Variants in HACD2 observed in about 807,000 individuals in gnomAD.
HACD2 encodes the protein 3-hydroxyacyl-CoA dehydratase 2.
A neutral mutation model predicts 31.0 loss-of-function variants in HACD2; 15 were observed. That is an observed-to-expected ratio of 0.48 (90% confidence interval 0.32 to 0.75). HACD2 has a LOEUF of 0.75. HACD2 is among the 30% of genes least tolerant of loss of function. HACD2 has a pLI of 0.03. For missense variants in HACD2, 283 were observed against 313.0 expected (o/e 0.90, Z 0.72); for synonymous variants, 115 against 122.2 (o/e 0.94, Z 0.39).
At chr3:123,499,989 G>A (rs1248605378) in intron 6 of HACD2, among the ~76,000 whole-genome samples, 2 of 152,122 alleles carry the variant, frequency 1.3e-5, no homozygotes, top group Non-Finnish European at 2.9e-5. Flanking sequence ...AGAGAACACT[G>A]TGTCCCAATC....
At chr3:123,567,700 T>C (rs1425982940) in intron 3 of HACD2, 62 bp downstream of exon 3, 2 of 1,030,552 alleles carry the variant, frequency 1.9e-6, no homozygotes, top group African/African-American at 1.7e-5. Context: ...AAGCCTATCA[T>C]CTATGACTTT....
At chr3:123,556,938 C>A (rs78163447) in intron 3 of HACD2, among the ~76,000 whole-genome samples, 1 of 152,242 alleles carries the variant, frequency 6.6e-6, no homozygotes, top group African/African-American at 2.4e-5. Flanking sequence ...AACAAACTGG[C>A]AAACTGGACT....
At chr3:123,556,709 CCTGT>C (rs1559926982) in intron 3 of HACD2, among the ~76,000 whole-genome samples, 1 of 152,016 alleles carries the variant, frequency 6.6e-6, no homozygotes, top group African/African-American at 2.4e-5. Flanking sequence ...TTGCTGAACA[CCTGT>C]CTGATAAAGA....
At chr3:123,583,662 T>C (rs1238626852) in intron 1 of HACD2, among the ~76,000 whole-genome samples, 4 of 152,162 alleles carry the variant, frequency 2.6e-5, no homozygotes, top group African/African-American at 4.8e-5. Flanking sequence ...TTCTTCTTCG[T>C]GAAAAAAAAG....
intron 3 of HACD2, among the ~76,000 whole-genome samples, chr3:123,547,670 G>A (rs893561117): frequency 6.6e-6 from 1 of 152,136 alleles, no homozygotes; most frequent in African/African-American, 2.4e-5. Context: ...GACCTACCAG[G>A]ATGACCAGAG....
intron 3 of HACD2, among the ~76,000 whole-genome samples, chr3:123,550,237 G>A (rs2056605327): frequency 6.6e-6 from 1 of 152,138 alleles, no homozygotes; most frequent in African/African-American, 2.4e-5. Context: ...CTGTCCCATC[G>A]AAACTCAAAT....
At chr3:123,570,050 G>T (rs996999550) in intron 2 of HACD2, among the ~76,000 whole-genome samples, 2 of 125,952 alleles carry the variant, frequency 1.6e-5, no homozygotes, top group Non-Finnish European at 3.2e-5. Flanking sequence ...CTGCTGATTA[G>T]CAACAGGACA....
chr3:123,580,497 G>T (rs916526430), intron 2 of HACD2, among the ~76,000 whole-genome samples: 2 of 151,808 alleles, frequency 1.3e-5, no homozygotes, highest in African/African-American at 4.8e-5. Context: ...AATAAAGTGA[G>T]AGTGGGCTGG....
intron 4 of HACD2, among the ~76,000 whole-genome samples, chr3:123,525,644 A>G (rs545503069): frequency 1.0e-3 from 154 of 152,350 alleles, no homozygotes; most frequent in South Asian, 2.5e-3. Flanking sequence ...CACGCAGGGC[A>G]GAGGGGGTGG....
chr3:123,549,957 T>C (rs1452133707), intron 3 of HACD2, among the ~76,000 whole-genome samples: 2 of 152,176 alleles, frequency 1.3e-5, no homozygotes, highest in African/African-American at 4.8e-5. Context: ...AGAGGACAAA[T>C]ACTGGCCTAC....
rs73857661 is a variant in HACD2 at position 123,533,800 on chromosome 3, C to T, written c.293-5326G>A. Reference sequence around the variant, plus strand: ...CCAGGCTATGACTGATATGTTTTAGCGTAGTTCTCAAAAATAAGACTTTTT... The same window carrying T: ...CCAGGCTATGACTGATATGTTTTAGTGTAGTTCTCAAAAATAAGACTTTTT... On this transcript the variant is annotated intron_variant, in intron 3 of 6. Transcript: ENST00000383657. Among the ~76,000 whole-genome samples, 910 of 152,250 alleles carry T rather than the reference C, an allele frequency of 6.0e-3. 9 individuals carry two copies. The highest frequency in any genetic ancestry group is 0.021 in the African/African-American group (884 of 41,554).
intron 4 of HACD2, among the ~76,000 whole-genome samples, chr3:123,503,382 G>A (rs2720323): frequency 1.6e-4 from 24 of 151,994 alleles, no homozygotes; most frequent in Non-Finnish European, 2.4e-4. Context: ...CCTCCCATTA[G>A]AGACTTCTTC....
At chr3:123,509,700 CGT>C (rs1372262309) in intron 4 of HACD2, among the ~76,000 whole-genome samples, 1 of 151,938 alleles carries the variant, frequency 6.6e-6, no homozygotes, top group Non-Finnish European at 1.5e-5. Flanking sequence ...GGGGTTTCAC[CGT>C]GTTAGCCAGG....
At chr3:123,569,639 G>C (rs1284158273) in intron 2 of HACD2, among the ~76,000 whole-genome samples, 1 of 152,104 alleles carries the variant, frequency 6.6e-6, no homozygotes, top group African/African-American at 2.4e-5. Context: ...TGGGATTACA[G>C]GCATGAGCCA....
intron 2 of HACD2, among the ~76,000 whole-genome samples, chr3:123,575,661 T>G (rs2056900611): frequency 1.3e-5 from 2 of 152,250 alleles, no homozygotes; most frequent in South Asian, 4.1e-4. Context: ...CATTAGCTTT[T>G]CTAAGTGTTT....
chr3:123,550,871 G>A (rs1241879925), intron 3 of HACD2, among the ~76,000 whole-genome samples: 2 of 152,132 alleles, frequency 1.3e-5, no homozygotes, highest in Non-Finnish European at 2.9e-5. Flanking sequence ...GAAAGGTTAT[G>A]GGCCAGAGCA....
At chr3:123,584,191 T>TA (rs2056997812) in intron 1 of HACD2, among the ~76,000 whole-genome samples, 1 of 152,076 alleles carries the variant, frequency 6.6e-6, no homozygotes. Flanking sequence ...GAGCTTGAAC[T>TA]AAAAACCCGC....
In HACD2 at chr3:123,561,412, G is replaced by A. The variant is rs186948085; in HGVS notation, c.292+6350C>T. Among the ~76,000 whole-genome samples the A allele has an allele frequency of 9.2e-5, 14 of 152,270 alleles. No individual in the cohort carries two copies. The East Asian group carries it at 2.5e-3, about 27-fold the overall frequency. On this transcript the variant is annotated intron_variant, in intron 3 of 6. Transcript: ENST00000383657. ...AGTGAAAGGTCTTTTGTCCCTGCCT[G>A]TTGATGAAATTAAAGTGCAAATACT...
At chr3:123,527,739 T>A (rs554763492) in intron 4 of HACD2, among the ~76,000 whole-genome samples, 1 of 152,374 alleles carries the variant, frequency 6.6e-6, no homozygotes, top group South Asian at 2.1e-4. Context: ...AAGAAATTTG[T>A]GCTTGTTTTG....
Sources: allele counts gnomAD v4.1 joint callset (sites outside exome capture counted in the v4.1 genomes callset), GRCh38; gene constraint gnomAD v4.1.1; transcripts MANE v1.5; gene names NCBI Gene and HGNC (gene_info 2026-07-23, HGNC 2026-07-21).